MAN1A1: variants seen among roughly 807,000 people sequenced by gnomAD.
The protein encoded by MAN1A1 is mannosyl-oligosaccharide 1,2-alpha-mannosidase IA.
MAN1A1 carries 29 observed loss-of-function variants against 70.8 expected under a neutral mutation model. The ratio of observed to expected loss-of-function variants is 0.41; its 90% CI spans 0.31 to 0.56. MAN1A1 has a LOEUF of 0.56. MAN1A1 is among the 20% of genes least tolerant of loss of function. MAN1A1 has a pLI of 0.29. For synonymous variants in MAN1A1, 349 were observed against 330.1 expected, an observed-to-expected ratio of 1.06 and a Z score of -0.62; for missense variants, 747 against 841.3, an observed-to-expected ratio of 0.89 and a Z score of 1.39.
chr6:119,283,329 T>C (rs547561250), intron 5 of MAN1A1, among the ~76,000 whole-genome samples: 2 of 152,322 alleles, frequency 1.3e-5, no homozygotes, highest in African/African-American at 4.8e-5. Context: ...TCAGAAAACC[T>C]GTTGAAGAGT....
intron 6 of MAN1A1, among the ~76,000 whole-genome samples, chr6:119,218,768 A>G (rs770894768): frequency 2.6e-5 from 4 of 152,212 alleles, no homozygotes; most frequent in Admixed American, 2.0e-4. Flanking sequence ...CCGCGCTGGG[A>G]TGGCGTACTG....
chr6:119,256,322 A>G (rs1775456827), intron 5 of MAN1A1, among the ~76,000 whole-genome samples: 1 of 152,212 alleles, frequency 6.6e-6, no homozygotes, highest in South Asian at 2.1e-4. Context: ...TCATGAAAAA[A>G]TAAGAGGTAG....
intron 6 of MAN1A1, among the ~76,000 whole-genome samples, chr6:119,240,723 C>T (rs549270088): frequency 1.8e-4 from 27 of 152,246 alleles, no homozygotes; most frequent in Middle Eastern, 3.4e-3. Flanking sequence ...CTTCCTTGTC[C>T]GTAATGTCTC....
chr6:119,259,588 T>C (rs1026119837), intron 5 of MAN1A1, among the ~76,000 whole-genome samples: 3 of 152,236 alleles, frequency 2.0e-5, no homozygotes, highest in African/African-American at 4.8e-5. Flanking sequence ...TCATATATTA[T>C]ACACTGATAC....
chr6:119,305,704 T>C (rs943964911), intron 3 of MAN1A1, among the ~76,000 whole-genome samples: 4 of 152,186 alleles, frequency 2.6e-5, no homozygotes, highest in Admixed American at 2.0e-4. Flanking sequence ...CATGGAAGTA[T>C]ATATTGAACC....
At chr6:119,323,026 G>T (rs911008529) in intron 2 of MAN1A1, among the ~76,000 whole-genome samples, 2 of 152,190 alleles carry the variant, frequency 1.3e-5, no homozygotes, top group Non-Finnish European at 2.9e-5. Context: ...ATTTAAGGCT[G>T]ATCTCTCTTA....
At chr6:119,240,981 C>A (rs1457196062) in intron 6 of MAN1A1, among the ~76,000 whole-genome samples, 2 of 152,226 alleles carry the variant, frequency 1.3e-5, no homozygotes, top group Middle Eastern at 3.4e-3. Context: ...AGGTACAGGG[C>A]CAGGTTACCA....
At chr6:119,242,332 T>A (rs1271562540) in intron 6 of MAN1A1, among the ~76,000 whole-genome samples, 1 of 152,078 alleles carries the variant, frequency 6.6e-6, no homozygotes, top group Non-Finnish European at 1.5e-5. Flanking sequence ...ATCCTATAGG[T>A]TGGATCCCAA....
intron 5 of MAN1A1, among the ~76,000 whole-genome samples, chr6:119,256,360 C>A (rs1775457811): frequency 6.6e-6 from 1 of 151,090 alleles, no homozygotes; most frequent in African/African-American, 2.4e-5. Context: ...TATGCTATCT[C>A]CTAGTCAAAA....
At chr6:119,214,109 C>T (rs1361161214) in intron 6 of MAN1A1, among the ~76,000 whole-genome samples, 1 of 152,086 alleles carries the variant, frequency 6.6e-6, no homozygotes, top group Non-Finnish European at 1.5e-5. Context: ...GGATTACAGG[C>T]GTGCACCACA....
At chr6:119,346,783 G>T (rs548580037) in intron 2 of MAN1A1, among the ~76,000 whole-genome samples, 49 of 152,296 alleles carry the variant, frequency 3.2e-4, no homozygotes, top group African/African-American at 1.2e-3. Context: ...TTTTGTACTA[G>T]CTAACTGGCA....
At chr6:119,338,875 T>C (rs187518675) in intron 2 of MAN1A1, among the ~76,000 whole-genome samples, 85 of 152,344 alleles carry the variant, frequency 5.6e-4, no homozygotes, top group Middle Eastern at 3.4e-3. Flanking sequence ...CTTGCAACTT[T>C]GCTTTATAAA....
At chr6:119,317,269 A>C (rs1358589354) in intron 2 of MAN1A1, among the ~76,000 whole-genome samples, 1 of 152,160 alleles carries the variant, frequency 6.6e-6, no homozygotes, top group Admixed American at 6.5e-5. Context: ...CATGATTTAC[A>C]TTAAGGCTCA....
chr6:119,242,196 G>A (rs1201938542), intron 6 of MAN1A1, among the ~76,000 whole-genome samples: 2 of 151,916 alleles, frequency 1.3e-5, no homozygotes, highest in Non-Finnish European at 1.5e-5. Flanking sequence ...TAGCATGTAA[G>A]ACTTAGGATA....
chr6:119,289,093 TAC>T (rs1776461703), intron 5 of MAN1A1, among the ~76,000 whole-genome samples: 2 of 151,638 alleles, frequency 1.3e-5, no homozygotes, highest in South Asian at 4.1e-4. Flanking sequence ...ATATCAAGTA[TAC>T]ACATATATAG....
chr6:119,349,374 T>G, intron 1 of MAN1A1, 87 bp from the exon 2 acceptor site: 1 of 997,726 alleles, frequency 1.0e-6, no homozygotes. Flanking sequence ...CTGGCGAGCC[T>G]CCAGGACCGC....
intron 5 of MAN1A1, among the ~76,000 whole-genome samples, chr6:119,279,954 T>C (rs1776183935): frequency 6.6e-6 from 1 of 152,260 alleles, no homozygotes; most frequent in Admixed American, 6.5e-5. Flanking sequence ...ATACAACTTC[T>C]AGCAGCAGCA....
chr6:119,330,477 C>T (rs1773278973), intron 2 of MAN1A1, among the ~76,000 whole-genome samples: 1 of 152,160 alleles, frequency 6.6e-6, no homozygotes, highest in Non-Finnish European at 1.5e-5. Flanking sequence ...TCTCTATCTT[C>T]ACTACCCCTT....
chr6:119,235,245 T>C (rs1359689788), intron 6 of MAN1A1, among the ~76,000 whole-genome samples: 1 of 152,202 alleles, frequency 6.6e-6, no homozygotes, highest in African/African-American at 2.4e-5. Context: ...TGATTAAGTT[T>C]AGTGAGGAAG....
Sources: gnomAD v4.1 joint callset for allele counts (sites outside exome capture counted in the v4.1 genomes callset) on GRCh38, gnomAD v4.1.1 for gene constraint, MANE v1.5 for transcripts, NCBI Gene and HGNC (gene_info 2026-07-23, HGNC 2026-07-21) for gene names.